NPAS4: variants seen among roughly 807,000 people sequenced by gnomAD.
NPAS4 encodes neuronal PAS domain protein 4.
In NPAS4, 10 loss-of-function variants were observed where a neutral mutation model predicts 64.0. The observed-to-expected ratio is 0.16, with a 90% CI of 0.10 to 0.26. The LOEUF (loss-of-function observed/expected upper bound fraction) is 0.26, where lower values mean the gene tolerates loss of function less well. Among genes scored for constraint, NPAS4 ranks in the 10% least tolerant of loss-of-function variants. The pLI is 1.00. For synonymous variants in NPAS4, 441 were observed against 411.7 expected (o/e 1.07, Z -0.86); for missense variants, 886 against 992.6 (o/e 0.89, Z 1.44).
Position 66,423,011 on chromosome 11 carries a change from CA to C in NPAS4, c.698+71del. 11 of 1,555,874 alleles carry C rather than the reference CA, an allele frequency of 7.1e-6. No homozygotes were observed. The South Asian group carries it at 8.0e-5, about 11-fold the overall frequency. On this transcript the variant is annotated intron_variant, in intron 4 of 7. Transcript: ENST00000311034. ...ATGAAGGGACCCTAGATTCTGGAGT[CA>C]GGGGCAGGGAGGATGGGGTTTAGGG...
upstream of NPAS4, among the ~76,000 whole-genome samples, chr11:66,419,187 C>T (rs1856701975): frequency 6.6e-6 from 1 of 152,122 alleles, no homozygotes; most frequent in African/African-American, 2.4e-5. Context: ...CTCTGTCATC[C>T]AGGTCAATGG....
Position 66,421,233 on chromosome 11 carries a change from C to A in NPAS4, c.54C>A (p.Ala18=), listed in dbSNP as rs777858086. The A allele has an allele frequency of 1.9e-6, 3 of 1,613,748 alleles. No homozygotes were observed. The highest frequency in any genetic ancestry group is 2.5e-6 in the Non-Finnish European group (3 of 1,179,874). ...AGGCGCGCCGGGACCAGATCAACGC[C>A]GAGATCCGGAACCTCAAGGAGCTGC... is the stretch of plus-strand genomic sequence containing the variant. ...ASKARRDQIN[A]EIRNLKELLP... The change falls in exon 1 of 8, where the codon GCC becomes GCA. Residue 18 remains alanine, a synonymous_variant. Transcript: ENST00000311034.
Position 66,422,901 on chromosome 11 carries a change from C to A in NPAS4, c.658C>A (p.Arg220Ser), listed in dbSNP as rs1856770433. Residue 220 changes from arginine to serine, a missense_variant, in exon 4 of 8, where the codon CGC (arginine) becomes AGC (serine). Coordinates refer to ENST00000311034, the MANE Select transcript of NPAS4 (RefSeq NM_178864.4). ...ASLFLAMFQS[R>S]HAKDLALLDI... ...GCTCTTCCTGGCCATGTTCCAGAGCCGCCATGCTAAAGACCTGGCTCTACT... is the reference window on the plus strand; with the variant it reads ...GCTCTTCCTGGCCATGTTCCAGAGCAGCCATGCTAAAGACCTGGCTCTACT... 3 of 1,608,798 alleles carry A rather than the reference C, an allele frequency of 1.9e-6. No homozygotes were observed. Among genetic ancestry groups the A allele is most frequent in the Admixed American group, 3.3e-5 (2 of 60,014 alleles).
At chr11:66,415,381 T>G in the NPAS4 span, among the ~76,000 whole-genome samples, 1 of 152,218 alleles carries the variant, frequency 6.6e-6, no homozygotes, top group Non-Finnish European at 1.5e-5. Flanking sequence ...TTAAGAGAGC[T>G]TTCTGGGTGA....
Position 66,422,843 on chromosome 11 carries a change from C to G in NPAS4, c.600C>G (p.Arg200=). Residue 200 remains arginine (R), a synonymous_variant, in exon 4 of 8, where the codon CGC becomes CGG. Coordinates refer to ENST00000311034, the MANE Select transcript of NPAS4 (RefSeq NM_178864.4). ...GTGCCCCTCTGGAGCCGAGACCCCGCCCAGGTCCTGGCCCTGGCCCTGGCC... is the reference window on the plus strand; with the variant it reads ...GTGCCCCTCTGGAGCCGAGACCCCGGCCAGGTCCTGGCCCTGGCCCTGGCC... ...AFCAPLEPRP[R]PGPGPGPGPA... 6.2e-7 allele frequency: 1 copy of G among 1,613,902 alleles called. No homozygotes were observed. The highest frequency in any genetic ancestry group is 8.5e-7 in the Non-Finnish European group (1 of 1,180,038).
upstream of NPAS4, chr11:66,417,265 T>C (rs973738133): frequency 2.6e-5 from 4 of 152,092 alleles, no homozygotes; most frequent in Non-Finnish European, 4.4e-5. Context: ...GTTGTGTGTG[T>C]GTGCGTGCAT....
chr11:66,420,869 T>G (rs1292758349), upstream of NPAS4: 8 of 331,536 alleles, frequency 2.4e-5, no homozygotes, highest in East Asian at 6.0e-5. Flanking sequence ...TTCTACGTCA[T>G]GAGATGACGT....
Position 66,423,732 on chromosome 11 carries a change from G to C in NPAS4, c.944+19G>C, listed in dbSNP as rs766027734. Reference sequence around the variant, plus strand: ...CAATCAGGTAAGCCACAAGCCAGGGGACTAGGGGGCAGCTGAGGTCGTCAT... The same window carrying C: ...CAATCAGGTAAGCCACAAGCCAGGGCACTAGGGGGCAGCTGAGGTCGTCAT... On this transcript the variant is annotated intron_variant, in intron 6 of 7. Coordinates refer to ENST00000311034, the MANE Select transcript of NPAS4 (RefSeq NM_178864.4). 8.1e-6 allele frequency: 13 copies of C among 1,613,944 alleles called. No homozygotes were observed. The highest frequency in any genetic ancestry group is 1.1e-5 in the Non-Finnish European group (13 of 1,179,882).
intron 7 of NPAS4, 106 bp from the exon 8 acceptor site, chr11:66,425,855 G>T: frequency 1.2e-6 from 1 of 846,456 alleles, no homozygotes; most frequent in South Asian, 1.4e-5. Context: ...TCATCATTGA[G>T]CCAATATCTT....
Position 66,421,140 on chromosome 11 carries a change from GTGCTCGGGCACCCGAGC to G in NPAS4, c.-37_-21del. The G allele has an allele frequency of 6.5e-7, 1 of 1,549,464 alleles. No homozygotes were observed. The highest frequency in any genetic ancestry group is 8.7e-7 in the Non-Finnish European group (1 of 1,143,370). On this transcript the variant is annotated 5_prime_UTR_variant, in exon 1 of 8. Coordinates refer to ENST00000311034, the MANE Select transcript of NPAS4 (RefSeq NM_178864.4). The stretch of plus-strand genomic sequence containing the variant: ...CCGGTGCGTCGGGACGGGAGCGCAG[GTGCTCGGGCACCCGAGC>G]TGGAGCTCCGCAGCCGCCGGTCATG...
At chr11:66,418,510 G>A (rs966971243), upstream of NPAS4, among the ~76,000 whole-genome samples, 10 of 152,260 alleles carry the variant, frequency 6.6e-5, no homozygotes, top group Middle Eastern at 3.4e-3. Flanking sequence ...AGCTGGCCTA[G>A]GGAGAGGAGA....
chr11:66,421,896 C>A (rs1229769392), intron 1 of NPAS4, among the ~76,000 whole-genome samples: 1 of 152,212 alleles, frequency 6.6e-6, no homozygotes, highest in African/African-American at 2.4e-5. Flanking sequence ...AAATTAAGAG[C>A]CGAGAGGAGC....
the NPAS4 span, among the ~76,000 whole-genome samples, chr11:66,415,193 G>A: frequency 2.0e-5 from 3 of 152,226 alleles, no homozygotes; most frequent in Non-Finnish European, 2.9e-5. Context: ...AGGAAGTGGA[G>A]CATCATCCTG....
chr11:66,426,121 C>G lies in NPAS4; in HGVS notation c.*132C>G. Reference sequence around the variant, plus strand: ...GATATATATGATTCCCCAGGCCCTGCAGGATTTTGGGGGGGGGGAGGTGGG... The same window carrying G: ...GATATATATGATTCCCCAGGCCCTGGAGGATTTTGGGGGGGGGGAGGTGGG... On this transcript the variant is annotated 3_prime_UTR_variant, in exon 8 of 8. Transcript: ENST00000311034. 19 of 380,766 alleles carry G rather than the reference C, an allele frequency of 5.0e-5. No homozygotes were observed. Among genetic ancestry groups the G allele is most frequent in the Middle Eastern group, 8.4e-4 (1 of 1,190 alleles). 23.6% of individuals were successfully genotyped at this position (380,766 alleles called of 1,614,324 possible). A position where few individuals can be genotyped will look rare whatever the true frequency, so the allele number is the denominator to read the frequency against.
chr11:66,420,150 G>A (rs1395084705), upstream of NPAS4, among the ~76,000 whole-genome samples: 1 of 152,248 alleles, frequency 6.6e-6, no homozygotes, highest in Non-Finnish European at 1.5e-5. Context: ...GCAACGGGGG[G>A]AAGGGATGCC....
At position 66,423,973 on chromosome 11, in the gene NPAS4, AC is replaced by A; in HGVS notation, c.1084del (p.Leu362SerfsTer20). Reference protein sequence around the residue: ...SQEECSSTNPLFTAALGAPRS... With the variant: ...SQEECSSTNPXFTAALGAPRS... ...AGGAAGAGTGCTCCAGCACTAACCC[AC>A]TCTTCACCGCAGCACTGGGGGCTCC... On this transcript the variant is annotated frameshift_variant, in exon 7 of 8. Transcript: ENST00000311034. LOFTEE classifies it high-confidence loss of function. 1 of 1,613,580 alleles carries A rather than the reference AC, an allele frequency of 6.2e-7. No homozygotes were observed. Among genetic ancestry groups the A allele is most frequent in the Non-Finnish European group, 8.5e-7 (1 of 1,179,892 alleles).
In NPAS4 at chr11:66,422,256, T is replaced by A; in HGVS notation, c.312T>A (p.His104Gln). Residue 104 changes from histidine to glutamine, a missense_variant, in exon 2 of 8, where the codon CAT becomes CAA. Physicochemically the swap from His to Gln is conservative, Grantham distance 24. Around this residue, in one of 3 missense-constraint regions of NPAS4, gnomAD observed 820 missense variants for 855.5 expected, o/e 0.96. Coordinates refer to ENST00000311034, the MANE Select transcript of NPAS4 (RefSeq NM_178864.4). ...LLYLSESVSE[H>Q]LGHSMVDLVA... ...ACCTGTCTGAGAGTGTGAGCGAGCA[T>A]CTGGGCCACTCCATGGTGAGTGCTA... 1.2e-6 allele frequency: 2 copies of A among 1,614,046 alleles called. No homozygotes were observed. Among genetic ancestry groups the A allele is most frequent in the African/African-American group, 2.7e-5 (2 of 75,012 alleles).
At chr11:66,410,896 C>T in the NPAS4 span, 1 of 152,392 alleles carries the variant, frequency 6.6e-6, no homozygotes, top group Non-Finnish European at 1.5e-5. Context: ...TTGCTTTAGC[C>T]ACAGGCTGTG....
intron 7 of NPAS4, among the ~76,000 whole-genome samples, chr11:66,425,747 G>A (rs1449047501): frequency 6.6e-6 from 1 of 152,206 alleles, no homozygotes; most frequent in Non-Finnish European, 1.5e-5. Flanking sequence ...CATTGAGGTA[G>A]CTCCCTGGTT....
Sources: gnomAD v4.1 joint callset for allele counts (sites outside exome capture counted in the v4.1 genomes callset) on GRCh38, gnomAD v4.1.1 for gene constraint, gnomAD v4.1.1 regional missense constraint, MANE v1.5 for transcripts, NCBI Gene and HGNC (gene_info 2026-07-23, HGNC 2026-07-21) for gene names.